Variants in ZFYVE28 observed in about 807,000 individuals in gnomAD.
ZFYVE28 encodes the protein lateral signaling target protein 2 homolog.
Under a neutral mutation model 82.1 loss-of-function variants are expected in ZFYVE28, and 40 were observed. The ratio of observed to expected loss-of-function variants is 0.49; its 90% CI spans 0.38 to 0.63. The LOEUF (loss-of-function observed/expected upper bound fraction) is 0.63, where lower values mean the gene tolerates loss of function less well. ZFYVE28 is among the 30% of genes least tolerant of loss of function. The pLI is 0.00. For synonymous variants in ZFYVE28, 612 were observed against 546.1 expected (o/e 1.12, Z -1.68); for missense variants, 1,321 against 1,242.1 (o/e 1.06, Z -0.96).
chr4:2,307,342 T>C (rs979611075), intron 7 of ZFYVE28, among the ~76,000 whole-genome samples: 2 of 152,210 alleles, frequency 1.3e-5, no homozygotes, highest in Non-Finnish European at 2.9e-5. Flanking sequence ...GCCTTTTCAT[T>C]CTCTTAATGG....
At chr4:2,314,053 T>C (rs1175116544) in intron 7 of ZFYVE28, among the ~76,000 whole-genome samples, 1 of 152,238 alleles carries the variant, frequency 6.6e-6, no homozygotes, top group Non-Finnish European at 1.5e-5. Flanking sequence ...ATTTCTGTTA[T>C]TTGCTTTACA....
intron 1 of ZFYVE28, among the ~76,000 whole-genome samples, chr4:2,370,095 G>A (rs900098557): frequency 4.0e-5 from 6 of 151,662 alleles, no homozygotes; most frequent in African/African-American, 9.7e-5. Flanking sequence ...TGATCCGCCC[G>A]CCTTAGCCTT....
At chr4:2,387,065 G>GGGGCCGGGGCCA (rs1560320625) in intron 1 of ZFYVE28, among the ~76,000 whole-genome samples, 2 of 151,574 alleles carry the variant, frequency 1.3e-5, no homozygotes, top group African/African-American at 4.8e-5. Context: ...CTCCGGGGCC[G>GGGGCCGGGGCCA]GGGCCGGGGC....
At chr4:2,310,390 T>A (rs1439311712) in intron 7 of ZFYVE28, among the ~76,000 whole-genome samples, 1 of 152,214 alleles carries the variant, frequency 6.6e-6, no homozygotes, top group African/African-American at 2.4e-5. Flanking sequence ...GATTTTCATT[T>A]GTCTGTATCT....
rs1392039400 is a variant in ZFYVE28 at position 2,416,488 on chromosome 4, C to T, written c.39+1797G>A. Reference sequence around the variant, plus strand: ...TGTCACAGAAAATAATGCTGCTGCACGCCCCCAAAACGCCGTTTTACAAGC... The same window carrying T: ...TGTCACAGAAAATAATGCTGCTGCATGCCCCCAAAACGCCGTTTTACAAGC... On this transcript the variant is annotated intron_variant, in intron 1 of 12. Transcript: ENST00000290974. The surrounding 1 kb of genome is among the most constrained non-coding windows in gnomAD (Gnocchi z 4.6). Among the ~76,000 whole-genome samples the T allele has an allele frequency of 6.6e-6, 1 of 152,210 alleles. No homozygotes were observed. The highest frequency in any genetic ancestry group is 1.5e-5 in the Non-Finnish European group (1 of 68,036).
At chr4:2,364,360 C>CA (rs947301985) in intron 1 of ZFYVE28, 2 of 834,910 alleles carry the variant, frequency 2.4e-6, no homozygotes, top group African/African-American at 3.7e-5. Context: ...GTTGTGGGGC[C>CA]AGCCAGGCCA....
intron 7 of ZFYVE28, among the ~76,000 whole-genome samples, chr4:2,305,743 A>G (rs374465786): frequency 5.3e-5 from 8 of 152,374 alleles, no homozygotes; most frequent in African/African-American, 1.9e-4. Flanking sequence ...ACGGTGTTCA[A>G]GGTGGCCGGC....
chr4:2,319,448 C>T (rs1343643079), intron 7 of ZFYVE28, among the ~76,000 whole-genome samples: 5 of 152,214 alleles, frequency 3.3e-5, no homozygotes, highest in African/African-American at 1.2e-4. Flanking sequence ...TCTGGACTCA[C>T]AGCACCTCTG....
At position 2,304,416 on chromosome 4, in the gene ZFYVE28, G is replaced by C. The variant is rs1316555666; in HGVS notation, c.1924C>G (p.Gln642Glu). The C allele has an allele frequency of 2.9e-5, 46 of 1,613,460 alleles. 1 individual carries two copies. The East Asian group carries it at 8.9e-4, about 31-fold the overall frequency. Reference sequence around the variant, plus strand: ...TGCAGCCCACTCGCTGTGTCCACCTGGGAACCTGAGGTGTGAGGCAGGCAC... The same window carrying C: ...TGCAGCCCACTCGCTGTGTCCACCTCGGAACCTGAGGTGTGAGGCAGGCAC... ...DKCLPHTSGS[Q>E]VDTASGLQGE... is the part of the protein sequence containing the mutation. The change falls in exon 8 of 13, where the codon CAG (glutamine) becomes GAG (glutamate). Residue 642 changes from glutamine to glutamate, a missense_variant. Gln to Glu is a conservative substitution (Grantham distance 29, BLOSUM62 2). Coordinates refer to ENST00000290974, the MANE Select transcript of ZFYVE28 (RefSeq NM_020972.3).
At chr4:2,327,575 A>C (rs1267990295) in intron 6 of ZFYVE28, among the ~76,000 whole-genome samples, 2 of 151,314 alleles carry the variant, frequency 1.3e-5, no homozygotes, top group Non-Finnish European at 2.9e-5. Flanking sequence ...TTTCTGTTTT[A>C]CATTTTCACT....
intron 1 of ZFYVE28, among the ~76,000 whole-genome samples, chr4:2,369,478 G>C (rs1326307197): frequency 6.6e-6 from 1 of 152,178 alleles, no homozygotes; most frequent in South Asian, 2.1e-4. Context: ...GGGTCAAATG[G>C]TGGTCCCCTT....
intron 1 of ZFYVE28, among the ~76,000 whole-genome samples, chr4:2,393,310 C>G (rs936305047): frequency 1.3e-5 from 2 of 152,270 alleles, no homozygotes; most frequent in Non-Finnish European, 2.9e-5. Flanking sequence ...ATACCTGAAA[C>G]ATAATGCCAC....
At chr4:2,280,843 T>A (rs1711865521) in intron 8 of ZFYVE28, among the ~76,000 whole-genome samples, 1 of 152,190 alleles carries the variant, frequency 6.6e-6, no homozygotes. Flanking sequence ...ACCAACACCC[T>A]GAAGCTGGGA....
chr4:2,408,814 G>A lies in ZFYVE28; in HGVS notation c.39+9471C>T, dbSNP rs562971883. Among the ~76,000 whole-genome samples, 3 of 152,052 alleles carry A rather than the reference G, an allele frequency of 2.0e-5. No homozygotes were observed. Among genetic ancestry groups the A allele is most frequent in the Admixed American group, 6.5e-5 (1 of 15,298 alleles). ...CACCTAGATGAAGCCACGCCCAGGT[G>A]AGCCCCGCCCCACGGGCTGATCCAC... On this transcript the variant is annotated intron_variant, in intron 1 of 12. Transcript: ENST00000290974. The surrounding 1 kb of genome is among the most constrained non-coding windows in gnomAD (Gnocchi z 4.3).
rs1244736425 is a variant in ZFYVE28, at chr4:2,305,281, C to T, written c.1059G>A (p.Gly353=). The change falls in exon 8 of 13, where the codon GGG becomes GGA. Residue 353 remains glycine (G), a synonymous_variant. Transcript: ENST00000290974. ...EQLSRMVHRA[G]DEMSSLLSPP... The stretch of plus-strand genomic sequence containing the variant: ...GTGAAAGCAAAGAGGACATCTCGTC[C>T]CCCGCCCTGTGGACCATGCGGCTGA... The T allele has an allele frequency of 1.9e-6, 3 of 1,613,106 alleles. No individual in the cohort carries two copies. The highest frequency in any genetic ancestry group is 2.2e-5 in the East Asian group (1 of 44,880).
At chr4:2,346,636 G>A (rs1723641754) in intron 2 of ZFYVE28, among the ~76,000 whole-genome samples, 1 of 152,096 alleles carries the variant, frequency 6.6e-6, no homozygotes, top group Non-Finnish European at 1.5e-5. Context: ...GTGAATTATT[G>A]GAAGGTCTTT....
In ZFYVE28 at chr4:2,417,127, C is replaced by T. The variant is rs73074351; in HGVS notation, c.39+1158G>A. Among the ~76,000 whole-genome samples, 6,515 of 152,236 alleles carry T rather than the reference C, an allele frequency of 0.043. 485 individuals carry two copies. Among genetic ancestry groups the T allele is most frequent in the African/African-American group, 0.15 (6,134 of 41,532 alleles). ...GGAGGGAGGAGGGGTAGGTCGGCAA[C>T]GCGGTGGCCTCGGACGTCCGAGCTG... On this transcript the variant is annotated intron_variant, in intron 1 of 12. Coordinates refer to ENST00000290974, the MANE Select transcript of ZFYVE28 (RefSeq NM_020972.3). This position sits in a 1 kb window ranked among gnomAD's most constrained non-coding sequence, Gnocchi z 4.8.
At chr4:2,301,913 C>T (rs991191933) in intron 8 of ZFYVE28, among the ~76,000 whole-genome samples, 2 of 152,158 alleles carry the variant, frequency 1.3e-5, no homozygotes, top group African/African-American at 2.4e-5. Flanking sequence ...GCTGTTCGCG[C>T]GAGGCTGTTC....
chr4:2,400,173 A>G (rs1731023377), intron 1 of ZFYVE28, among the ~76,000 whole-genome samples: 1 of 152,098 alleles, frequency 6.6e-6, no homozygotes, highest in Non-Finnish European at 1.5e-5. Context: ...GGAGGAACAC[A>G]TTTTTTTACT....
Sources: allele counts gnomAD v4.1 joint callset (sites outside exome capture counted in the v4.1 genomes callset), GRCh38; gene constraint gnomAD v4.1.1; non-coding constraint Gnocchi (gnomAD v3.1); transcripts MANE v1.5; gene names NCBI Gene and HGNC (gene_info 2026-07-23, HGNC 2026-07-21).